CACHD1: variants seen among roughly 807,000 people sequenced by gnomAD.
CACHD1 encodes the protein cache domain containing 1, also known as VWFA and cache domain-containing protein 1.
CACHD1 carries 71 observed loss-of-function variants against 138.7 expected under a neutral mutation model. The observed-to-expected ratio is 0.51, with a 90% CI of 0.42 to 0.62. The LOEUF is 0.62. Among genes scored for constraint, CACHD1 ranks in the 20% least tolerant of loss-of-function variants. The pLI, the probability that CACHD1 is intolerant of heterozygous loss-of-function variation, is 0.00. For synonymous variants in CACHD1, 578 were observed against 591.5 expected (o/e 0.98, Z 0.33); for missense variants, 1,389 against 1,625.3 (o/e 0.85, Z 2.50).
intron 1 of CACHD1, among the ~76,000 whole-genome samples, chr1:64,543,072 T>G (rs1646689678): frequency 6.6e-6 from 1 of 152,022 alleles, no homozygotes; most frequent in African/African-American, 2.4e-5. Flanking sequence ...AACAATAAAT[T>G]TTTTATATAA....
In CACHD1 at chr1:64,658,822, C is replaced by G; in HGVS notation, c.1900C>G (p.Leu634Val). The change falls in exon 13 of 27, where the codon CTC (leucine) becomes GTC (valine). Residue 634 changes from leucine (L) to valine (V), a missense_variant. Around this residue, in one of 5 missense-constraint regions of CACHD1, gnomAD observed 1,000 missense variants for 1,114.7 expected, o/e 0.90. Transcript: ENST00000651257. ...CAAGCTGCTGTACCACCGGCTGGAT[C>G]TCCTTGGCCAGCCCAGTGCTTGCCT... ...SSKLLYHRLDLLGQPSACLHF... is the reference protein window; with the variant it reads ...SSKLLYHRLDVLGQPSACLHF... The G allele has an allele frequency of 6.3e-7, 1 of 1,591,906 alleles. No individual in the cohort carries two copies. Among genetic ancestry groups the G allele is most frequent in the Non-Finnish European group, 8.6e-7 (1 of 1,166,600 alleles).
chr1:64,650,842 T>C (rs1649064277), intron 9 of CACHD1, among the ~76,000 whole-genome samples: 1 of 152,174 alleles, frequency 6.6e-6, no homozygotes, highest in Non-Finnish European at 1.5e-5. Context: ...GTTTAGAGTT[T>C]TCTTTAGAGC....
Position 64,675,912 on chromosome 1 carries a change from A to G in CACHD1, c.2904A>G (p.Glu968=). 2 of 1,543,206 alleles carry G rather than the reference A, an allele frequency of 1.3e-6. No homozygotes were observed. The highest frequency in any genetic ancestry group is 2.3e-5 in the East Asian group (1 of 42,756). The change falls in exon 21 of 27, where the codon GAA becomes GAG. Residue 968 remains glutamate (E), a synonymous_variant. Coordinates refer to ENST00000651257, the MANE Select transcript of CACHD1 (RefSeq NM_020925.4). ...CLNCHRMEQN[E]CECPCECPLE... Reference sequence around the variant, plus strand: ...TGCTTTTCAGAATGGAACAAAATGAATGTGAATGTCCTTGTGAGTGCCCTC... The same window carrying G: ...TGCTTTTCAGAATGGAACAAAATGAGTGTGAATGTCCTTGTGAGTGCCCTC...
chr1:64,631,427 T>C (rs533708888), intron 5 of CACHD1, among the ~76,000 whole-genome samples: 1 of 152,338 alleles, frequency 6.6e-6, no homozygotes, highest in East Asian at 1.9e-4. Context: ...GGTACTTTAG[T>C]AATTACTGCA....
intron 4 of CACHD1, among the ~76,000 whole-genome samples, chr1:64,614,401 C>T (rs1331483747): frequency 6.6e-6 from 1 of 151,978 alleles, no homozygotes; most frequent in African/African-American, 2.4e-5. Context: ...TGTTGCTTTT[C>T]TTTTTGTGGT....
At chr1:64,534,875 C>T (rs1299467936) in intron 1 of CACHD1, among the ~76,000 whole-genome samples, 8 of 152,250 alleles carry the variant, frequency 5.3e-5, no homozygotes, top group Non-Finnish European at 8.8e-5. Context: ...AGCCCCCTGG[C>T]CTTGCCCTTG....
chr1:64,669,856 T>C (rs183203342), intron 16 of CACHD1, among the ~76,000 whole-genome samples: 1 of 152,310 alleles, frequency 6.6e-6, no homozygotes, highest in African/African-American at 2.4e-5. Context: ...AAGAGAAGTT[T>C]AGAAATAAAA....
intron 2 of CACHD1, among the ~76,000 whole-genome samples, chr1:64,557,755 T>C (rs1362325808): frequency 6.6e-6 from 1 of 151,962 alleles, no homozygotes; most frequent in Non-Finnish European, 1.5e-5. Context: ...GATCCAGTTC[T>C]GCCATTTTCT....
chr1:64,652,157 A>G lies in CACHD1; in HGVS notation c.1391-4A>G. On this transcript the variant is annotated splice_polypyrimidine_tract_variant and splice_region_variant and intron_variant, in intron 9 of 26. Transcript: ENST00000651257. ...TTTAGATTTATTTTGTTTTTAACCC[A>G]TAGGTTTGATAATGACTGTGAGTAA... 2 of 1,602,822 alleles carry G rather than the reference A, an allele frequency of 1.2e-6. No individual in the cohort carries two copies. The highest frequency in any genetic ancestry group is 1.7e-6 in the Non-Finnish European group (2 of 1,176,356).
intron 1 of CACHD1, among the ~76,000 whole-genome samples, chr1:64,530,832 C>T (rs1360095699): frequency 1.3e-5 from 2 of 150,218 alleles, no homozygotes; most frequent in Non-Finnish European, 3.0e-5. Flanking sequence ...GATGGCACCA[C>T]TGCACTCCAG....
At chr1:64,565,161 A>G (rs956917057) in intron 2 of CACHD1, among the ~76,000 whole-genome samples, 1 of 151,486 alleles carries the variant, frequency 6.6e-6, no homozygotes, top group Non-Finnish European at 1.5e-5. Flanking sequence ...GGCTGCAGGA[A>G]TCTGGAAGGT....
chr1:64,617,161 CAA>C (rs5774713), intron 4 of CACHD1, among the ~76,000 whole-genome samples: 15 of 148,566 alleles, frequency 1.0e-4, no homozygotes, highest in African/African-American at 9.9e-5. Context: ...CAAAACAAAA[CAA>C]AAAAAAAAAC....
At position 64,693,026 on chromosome 1, in the gene CACHD1, T is replaced by C. The variant is rs1338576225; in HGVS notation, c.*1465T>C. On this transcript the variant is annotated 3_prime_UTR_variant, in exon 27 of 27. Coordinates refer to ENST00000651257, the MANE Select transcript of CACHD1 (RefSeq NM_020925.4). Reference sequence around the variant, plus strand: ...CTTCATACTGTGTATAAAATTGCAATCTAGTGAAATAAACCGTATGCAATG... The same window carrying C: ...CTTCATACTGTGTATAAAATTGCAACCTAGTGAAATAAACCGTATGCAATG... 6.6e-6 allele frequency: 1 copy of C among 152,642 alleles called. No individual in the cohort carries two copies. The highest frequency in any genetic ancestry group is 1.5e-5 in the Non-Finnish European group (1 of 68,030). The allele number at this position is 152,642 out of a possible 1,614,324, so 9.5% of individuals were successfully genotyped here. A position where few individuals can be genotyped will look rare whatever the true frequency, so the allele number is the denominator to read the frequency against.
chr1:64,491,880 C>G (rs1290974631), intron 1 of CACHD1, among the ~76,000 whole-genome samples: 2 of 152,136 alleles, frequency 1.3e-5, no homozygotes, highest in Non-Finnish European at 2.9e-5. Context: ...CTCAGCCTCC[C>G]AAAGTACTGG....
At chr1:64,557,868 G>A (rs190714914) in intron 2 of CACHD1, among the ~76,000 whole-genome samples, 30 of 151,954 alleles carry the variant, frequency 2.0e-4, no homozygotes, top group African/African-American at 7.0e-4. Context: ...CAGCGATCTC[G>A]GCTAACTGCA....
At chr1:64,652,011 G>C in intron 9 of CACHD1, 150 bp from the exon 10 acceptor site, 2 of 603,964 alleles carry the variant, frequency 3.3e-6, no homozygotes, top group Non-Finnish European at 5.5e-6. Flanking sequence ...CAAAGGCAAT[G>C]CTTGATTACT....
intron 24 of CACHD1, among the ~76,000 whole-genome samples, chr1:64,680,133 C>T (rs1007646359): frequency 1.3e-5 from 2 of 152,106 alleles, no homozygotes; most frequent in South Asian, 4.1e-4. Context: ...ATAATCTGTT[C>T]GATTGCAGCT....
chr1:64,675,293 T>G (rs1249873771), intron 19 of CACHD1, 108 bp from the exon 20 acceptor site: 2 of 821,628 alleles, frequency 2.4e-6, no homozygotes, highest in Non-Finnish European at 3.7e-6. Context: ...TCAGAAACAT[T>G]TTATTTTAAG....
chr1:64,644,895 C>T (rs952028321), intron 8 of CACHD1, among the ~76,000 whole-genome samples: 2 of 152,152 alleles, frequency 1.3e-5, no homozygotes, highest in African/African-American at 2.4e-5. Context: ...GTCAGGAGTT[C>T]GAGACCAGCC....
Sources: gnomAD v4.1 joint callset for allele counts (sites outside exome capture counted in the v4.1 genomes callset) on GRCh38, gnomAD v4.1.1 for gene constraint, gnomAD v4.1.1 regional missense constraint, MANE v1.5 for transcripts, NCBI Gene and HGNC (gene_info 2026-07-23, HGNC 2026-07-21) for gene names.